CHRDL1: variants seen among roughly 807,000 people sequenced by gnomAD.
CHRDL1 encodes the protein chordin-like protein 1.
Under a neutral mutation model 40.9 loss-of-function variants are expected in CHRDL1, and 19 were observed. The observed-to-expected ratio is 0.46, with a 90% CI of 0.32 to 0.68. The LOEUF is 0.68. Among genes scored for constraint, CHRDL1 ranks in the 30% least tolerant of loss-of-function variants. The pLI is 0.03. For synonymous variants in CHRDL1, 136 were observed against 123.4 expected (o/e 1.10, Z -0.68); for missense variants, 329 against 352.1 (o/e 0.93, Z 0.53).
intron 4 of CHRDL1, among the ~76,000 whole-genome samples, chrX:110,724,824 C>A (rs1435124341): frequency 9.0e-6 from 1 of 111,291 alleles, no homozygotes; most frequent in Non-Finnish European, 1.9e-5. Flanking sequence ...TCTCCCCTTG[C>A]ATCTTTAGAG....
chrX:110,679,513 A>G, intron 10 of CHRDL1, 88 bp from the exon 11 acceptor site: 1 of 611,041 alleles, frequency 1.6e-6, no homozygotes, highest in Non-Finnish European at 2.8e-6. Flanking sequence ...TCAGCATATC[A>G]TTTCATTACT....
intron 2 of CHRDL1, among the ~76,000 whole-genome samples, chrX:110,785,516 CTATGCAGAA>C (rs1435402269): frequency 2.7e-5 from 3 of 111,497 alleles, no homozygotes; most frequent in Admixed American, 9.6e-5. Flanking sequence ...GACTTCGCCA[CTATGCAGAA>C]TATCCTTGTA....
chrX:110,715,827 G>A (rs900752386), intron 6 of CHRDL1, among the ~76,000 whole-genome samples: 2 of 112,575 alleles, frequency 1.8e-5, no homozygotes, highest in Admixed American at 1.9e-4. Flanking sequence ...CCTCTGCTCA[G>A]TATGGACTTT....
chrX:110,759,697 C>G lies in CHRDL1; in HGVS notation c.265G>C (p.Val89Leu). 1 of 1,206,300 alleles carries G rather than the reference C, an allele frequency of 8.3e-7. No individual in the cohort carries two copies. The highest frequency in any genetic ancestry group is 1.1e-6 in the Non-Finnish European group (1 of 890,753). Residue 89 changes from valine to leucine, a missense_variant, in exon 4 of 12, where the codon GTG (valine) becomes CTG (leucine). By Grantham distance (32) the Val-to-Leu change is conservative. Coordinates refer to ENST00000372042, the MANE Select transcript of CHRDL1 (RefSeq NM_001143981.2). ...RCPNVHCLSPVHIPHLCCPRC... is the reference protein window; with the variant it reads ...RCPNVHCLSPLHIPHLCCPRC... The stretch of plus-strand genomic sequence containing the variant: ...GGGCAGCACAGATGAGGAATATGCA[C>G]AGGAGAAAGGCAATGAACATTTGGA...
intron 4 of CHRDL1, among the ~76,000 whole-genome samples, chrX:110,727,891 C>A (rs891888911): frequency 9.0e-6 from 1 of 111,604 alleles, no homozygotes; most frequent in Admixed American, 9.5e-5. Flanking sequence ...TTATTCATTG[C>A]AGCATTGTTT....
At chrX:110,785,667 GTA>G (rs917729673) in intron 2 of CHRDL1, among the ~76,000 whole-genome samples, 10 of 110,704 alleles carry the variant, frequency 9.0e-5, no homozygotes, top group South Asian at 3.8e-4. Context: ...AAGACTACAA[GTA>G]TATATATATA....
At chrX:110,774,792 A>G (rs2089822386) in intron 2 of CHRDL1, among the ~76,000 whole-genome samples, 1 of 111,955 alleles carries the variant, frequency 8.9e-6, no homozygotes, top group South Asian at 3.8e-4. Flanking sequence ...TATATGCAGT[A>G]AAATGAACCA....
At chrX:110,685,135 A>C (rs2069980371) in intron 9 of CHRDL1, among the ~76,000 whole-genome samples, 1 of 112,883 alleles carries the variant, frequency 8.9e-6, no homozygotes. Context: ...AAATACAAAT[A>C]AATAAATAAG....
At chrX:110,775,356 T>C (rs1464975166) in intron 2 of CHRDL1, among the ~76,000 whole-genome samples, 1 of 111,597 alleles carries the variant, frequency 9.0e-6, no homozygotes, top group Non-Finnish European at 1.9e-5. Context: ...AAATTTGAAT[T>C]TCACCTGCAA....
At chrX:110,759,237 C>T (rs1334805460) in intron 4 of CHRDL1, among the ~76,000 whole-genome samples, 1 of 112,054 alleles carries the variant, frequency 8.9e-6, no homozygotes, top group Admixed American at 9.4e-5. Flanking sequence ...GGGTCAGCTC[C>T]TTTGATTTAT....
chrX:110,782,727 G>A (rs956978916), intron 2 of CHRDL1, among the ~76,000 whole-genome samples: 5 of 111,941 alleles, frequency 4.5e-5, no homozygotes, highest in Admixed American at 3.8e-4. Flanking sequence ...AATCTTGATG[G>A]GAAGACAAGA....
intron 6 of CHRDL1, among the ~76,000 whole-genome samples, chrX:110,704,452 G>C (rs1190777554): frequency 9.0e-6 from 1 of 111,583 alleles, no homozygotes; most frequent in East Asian, 2.8e-4. Context: ...ACTAGTTGGG[G>C]AGTAACTCGA....
intron 4 of CHRDL1, among the ~76,000 whole-genome samples, chrX:110,725,309 C>T (rs1162468261): frequency 2.7e-5 from 3 of 112,330 alleles, no homozygotes; most frequent in Non-Finnish European, 5.6e-5. Flanking sequence ...CACACTGATG[C>T]TTAAAATGCC....
intron 9 of CHRDL1, among the ~76,000 whole-genome samples, chrX:110,683,702 G>A (rs946506961): frequency 9.0e-6 from 1 of 111,401 alleles, no homozygotes; most frequent in Non-Finnish European, 1.9e-5. Flanking sequence ...ATCCAGGCGT[G>A]GCCAACTGGG....
chrX:110,682,367 T>C (rs1360602180), intron 9 of CHRDL1, among the ~76,000 whole-genome samples: 1 of 112,092 alleles, frequency 8.9e-6, no homozygotes, highest in Non-Finnish European at 1.9e-5. Flanking sequence ...ATTTAATGTG[T>C]AAACTAAACT....
rs758257041 is a variant in CHRDL1 at position 110,778,307 on chromosome X, G to A, written c.94+13781C>T. On this transcript the variant is annotated intron_variant, in intron 2 of 11. Coordinates refer to ENST00000372042, the MANE Select transcript of CHRDL1 (RefSeq NM_001143981.2). ...CACAGCAAAAGAAAGCATCCACAGAGTAAACAGATAGCCTACAGAATGGGA... is the reference window on the plus strand; with the variant it reads ...CACAGCAAAAGAAAGCATCCACAGAATAAACAGATAGCCTACAGAATGGGA... Among the ~76,000 whole-genome samples, 8 of 112,176 alleles carry A rather than the reference G, an allele frequency of 7.1e-5. No homozygotes were observed. In the East Asian group the frequency reaches 2.2e-3, roughly 31 times the overall value.
chrX:110,758,060 A>G (rs942229139), intron 4 of CHRDL1, among the ~76,000 whole-genome samples: 1 of 107,919 alleles, frequency 9.3e-6, no homozygotes, highest in African/African-American at 3.4e-5. Flanking sequence ...AAAAGCTTTT[A>G]TAAGGCTGTC....
At chrX:110,781,608 T>C (rs1415752738) in intron 2 of CHRDL1, among the ~76,000 whole-genome samples, 2 of 111,203 alleles carry the variant, frequency 1.8e-5, no homozygotes, top group East Asian at 5.6e-4. Flanking sequence ...CTTTTCTTAC[T>C]TGATAAAGAA....
At chrX:110,742,265 G>C (rs952103290) in intron 4 of CHRDL1, among the ~76,000 whole-genome samples, 2 of 111,619 alleles carry the variant, frequency 1.8e-5, no homozygotes, top group Admixed American at 1.9e-4. Context: ...ATCAAGTCTA[G>C]AGAATTTAGA....
Sources: allele counts gnomAD v4.1 joint callset (sites outside exome capture counted in the v4.1 genomes callset), GRCh38; gene constraint gnomAD v4.1.1; transcripts MANE v1.5; gene names NCBI Gene and HGNC (gene_info 2026-07-23, HGNC 2026-07-21).